Variants in PDSS2 observed in about 807,000 individuals in gnomAD.
The protein encoded by PDSS2 is all trans-polyprenyl-diphosphate synthase PDSS2.
In PDSS2, 31 loss-of-function variants were observed where a neutral mutation model predicts 44.5. The observed-to-expected ratio is 0.70, with a 90% confidence interval of 0.52 to 0.94. The LOEUF is 0.94. Among genes scored for constraint, PDSS2 ranks in the 40% least tolerant of loss-of-function variants. The pLI is 0.00. For synonymous variants in PDSS2, 157 were observed against 180.3 expected (o/e 0.87, Z 1.03); for missense variants, 452 against 482.2 (o/e 0.94, Z 0.59).
At chr6:107,319,080 G>GA (rs1350725179) in intron 2 of PDSS2, among the ~76,000 whole-genome samples, 12 of 151,718 alleles carry the variant, frequency 7.9e-5, no homozygotes, top group Admixed American at 5.9e-4. Context: ...TTGTGCTATG[G>GA]AAAAAAGAAT....
At chr6:107,451,869 C>T (rs570024863) in intron 1 of PDSS2, among the ~76,000 whole-genome samples, 1 of 152,282 alleles carries the variant, frequency 6.6e-6, no homozygotes, top group African/African-American at 2.4e-5. Flanking sequence ...GACTTTGTAG[C>T]CCTCAGGGCC....
intron 3 of PDSS2, among the ~76,000 whole-genome samples, chr6:107,258,803 A>G (rs987620722): frequency 2.8e-5 from 4 of 145,022 alleles, no homozygotes; most frequent in East Asian, 3.9e-4. Context: ...TCCGTCTCAG[A>G]AAAAAAAAAA....
intron 1 of PDSS2, among the ~76,000 whole-genome samples, chr6:107,399,004 A>G (rs1446833211): frequency 1.3e-5 from 2 of 152,332 alleles, no homozygotes; most frequent in Non-Finnish European, 2.9e-5. Flanking sequence ...TATCTACCAC[A>G]TATTATCCAA....
At chr6:107,168,258 T>G (rs1329668666) in intron 7 of PDSS2, among the ~76,000 whole-genome samples, 1 of 152,210 alleles carries the variant, frequency 6.6e-6, no homozygotes, top group Non-Finnish European at 1.5e-5. Context: ...TTTTGATCTT[T>G]GTTGGTTTAA....
intron 7 of PDSS2, among the ~76,000 whole-genome samples, chr6:107,158,965 G>T (rs1418203941): frequency 6.6e-6 from 1 of 152,010 alleles, no homozygotes; most frequent in Non-Finnish European, 1.5e-5. Context: ...CTGACCTCAG[G>T]TGATCTGCCC....
At chr6:107,336,594 T>C (rs2115260560) in intron 1 of PDSS2, among the ~76,000 whole-genome samples, 1 of 152,270 alleles carries the variant, frequency 6.6e-6, no homozygotes, top group Admixed American at 6.5e-5. Flanking sequence ...TTAAATCCTA[T>C]GAACCTGAAT....
At chr6:107,424,979 C>CCA (rs1182988597) in intron 1 of PDSS2, among the ~76,000 whole-genome samples, 4 of 152,258 alleles carry the variant, frequency 2.6e-5, no homozygotes, top group Non-Finnish European at 5.9e-5. Flanking sequence ...CTTTCCTGCA[C>CCA]AGTTCTTGTG....
intron 2 of PDSS2, among the ~76,000 whole-genome samples, chr6:107,299,196 T>C (rs1035950152): frequency 1.6e-5 from 2 of 125,494 alleles, no homozygotes; most frequent in African/African-American, 5.8e-5. Flanking sequence ...AAATAAAGAA[T>C]TAAAAGAAAA....
chr6:107,168,281 C>G (rs1188131519), intron 7 of PDSS2, among the ~76,000 whole-genome samples: 11 of 152,254 alleles, frequency 7.2e-5, no homozygotes, highest in South Asian at 2.1e-4. Flanking sequence ...TCTGTTTTAT[C>G]AGAGACTAGG....
At chr6:107,320,145 T>C (rs1414665861) in intron 2 of PDSS2, among the ~76,000 whole-genome samples, 7 of 152,218 alleles carry the variant, frequency 4.6e-5, no homozygotes, top group Non-Finnish European at 1.5e-5. Flanking sequence ...AAGAAAAGTC[T>C]GCCAGCTTTC....
intron 1 of PDSS2, among the ~76,000 whole-genome samples, chr6:107,378,093 TA>T (rs1321674584): frequency 1.4e-5 from 2 of 146,438 alleles, no homozygotes; most frequent in African/African-American, 2.5e-5. Context: ...ATTAGGCCCT[TA>T]AAAAAAACGA....
At chr6:107,371,185 TAAA>T (rs35313213) in intron 1 of PDSS2, among the ~76,000 whole-genome samples, 75 of 148,696 alleles carry the variant, frequency 5.0e-4, no homozygotes, top group Non-Finnish European at 5.4e-4. Context: ...TGTCTCAAAG[TAAA>T]AAAAAAAAAA....
chr6:107,196,397 T>C (rs1384010408), intron 6 of PDSS2, among the ~76,000 whole-genome samples: 2 of 152,220 alleles, frequency 1.3e-5, no homozygotes, highest in Non-Finnish European at 2.9e-5. Context: ...TCAGCAGCAC[T>C]TTCCCAACAT....
At chr6:107,429,107 A>G (rs1440474271) in intron 1 of PDSS2, among the ~76,000 whole-genome samples, 1 of 152,182 alleles carries the variant, frequency 6.6e-6, no homozygotes, top group East Asian at 1.9e-4. Context: ...ACTTTGAGGA[A>G]TGAACATTTA....
At chr6:107,263,178 C>T (rs910273500) in intron 3 of PDSS2, among the ~76,000 whole-genome samples, 2 of 119,966 alleles carry the variant, frequency 1.7e-5, no homozygotes, top group East Asian at 2.0e-4. Context: ...CTTGGCCAGG[C>T]GCGGTGGCTT....
At chr6:107,396,678 CTTTTTTTTTTTTT>C (rs950671310) in intron 1 of PDSS2, among the ~76,000 whole-genome samples, 1 of 79,358 alleles carries the variant, frequency 1.3e-5, no homozygotes, top group East Asian at 3.2e-4. Context: ...CTTCTTTTTT[CTTTTTTTTTTTTT>C]TTTTTTTTTG....
intron 1 of PDSS2, among the ~76,000 whole-genome samples, chr6:107,375,076 T>G: frequency 6.6e-6 from 1 of 151,934 alleles, no homozygotes; most frequent in South Asian, 2.1e-4. Flanking sequence ...AATATAATAA[T>G]CAAAACATCA....
intron 4 of PDSS2, among the ~76,000 whole-genome samples, chr6:107,243,111 A>G (rs980073814): frequency 5.3e-5 from 8 of 152,214 alleles, no homozygotes; most frequent in Non-Finnish European, 8.8e-5. Context: ...CTTTTTCAGG[A>G]AGAAACACAT....
intron 7 of PDSS2, among the ~76,000 whole-genome samples, chr6:107,161,123 C>G (rs892683955): frequency 6.6e-6 from 1 of 152,024 alleles, no homozygotes; most frequent in Admixed American, 6.6e-5. Context: ...GATCCACCCA[C>G]CTCGGCCTCC....
Sources: gnomAD v4.1 joint callset for allele counts (sites outside exome capture counted in the v4.1 genomes callset) on GRCh38, gnomAD v4.1.1 for gene constraint, MANE v1.5 for transcripts, NCBI Gene and HGNC (gene_info 2026-07-23, HGNC 2026-07-21) for gene names.